CD163L1: variants seen among roughly 807,000 people sequenced by gnomAD.
CD163L1 encodes the protein CD163 molecule like 1.
CD163L1 carries 124 observed loss-of-function variants against 165.4 expected under a neutral mutation model. The ratio of observed to expected loss-of-function variants is 0.75; its 90% confidence interval spans 0.65 to 0.87. CD163L1 has a LOEUF of 0.87. Among genes scored for constraint, CD163L1 ranks in the 40% least tolerant of loss-of-function variants. The probability of loss-of-function intolerance (pLI) is 0.00; values close to 1 mark genes in which losing one functional copy is unlikely to be tolerated. For synonymous variants in CD163L1, 585 were observed against 662.2 expected, an observed-to-expected ratio of 0.88 and a Z score of 1.79; for missense variants, 1,525 against 1,799.9, an observed-to-expected ratio of 0.85 and a Z score of 2.76.
At chr12:7,323,413 T>A in the CD163L1 span, 1 of 1,605,666 alleles carries the variant, frequency 6.2e-7, no homozygotes, top group Non-Finnish European at 8.5e-7. Context: ...CTTTCATTTT[T>A]GTGAAAAGAA....
At chr12:7,434,985 A>G (rs1948696407) in intron 2 of CD163L1, among the ~76,000 whole-genome samples, 1 of 152,032 alleles carries the variant, frequency 6.6e-6, no homozygotes. Context: ...TTTCTATATG[A>G]ACATTTTTCT....
chr12:7,421,340 T>C (rs1365242977), intron 4 of CD163L1, among the ~76,000 whole-genome samples: 1 of 111,006 alleles, frequency 9.0e-6, no homozygotes, highest in East Asian at 2.8e-4. Context: ...ATATATATCT[T>C]CCAAATGTAT....
At position 7,433,615 on chromosome 12, in the gene CD163L1, C is replaced by A; in HGVS notation, c.204G>T (p.Gln68His). The change falls in exon 3 of 20, where the codon CAG becomes CAT. Residue 68 changes from glutamine to histidine, a missense_variant. Gln to His is a conservative substitution (Grantham distance 24). Transcript: ENST00000313599. ...ACCCATCATCACACACAGTCCCCCA[C>A]TGTCCCTGGAATTTCACCTCCACTG... ...SGTVEVKFQGQWGTVCDDGWN... is the reference protein window; with the variant it reads ...SGTVEVKFQGHWGTVCDDGWN... 1 of 1,614,200 alleles carries A rather than the reference C, an allele frequency of 6.2e-7. No homozygotes were observed. The highest frequency in any genetic ancestry group is 8.5e-7 in the Non-Finnish European group (1 of 1,180,016).
chr12:7,421,097 GTA>G (rs1423359223), intron 4 of CD163L1, among the ~76,000 whole-genome samples: 1 of 103,000 alleles, frequency 9.7e-6, no homozygotes, highest in South Asian at 3.5e-4. Context: ...GTATATATAT[GTA>G]TATATACATT....
At chr12:7,440,838 G>A (rs1310130173) in intron 2 of CD163L1, among the ~76,000 whole-genome samples, 1 of 152,018 alleles carries the variant, frequency 6.6e-6, no homozygotes, top group African/African-American at 2.4e-5. Flanking sequence ...TGTTGGCCAG[G>A]CTGGTCTCGA....
the CD163L1 span, among the ~76,000 whole-genome samples, chr12:7,335,067 C>G: frequency 1.3e-5 from 2 of 152,044 alleles, no homozygotes; most frequent in African/African-American, 2.4e-5. Context: ...CCATACTGCC[C>G]AAGGTAATTT....
intron 18 of CD163L1, among the ~76,000 whole-genome samples, chr12:7,366,853 C>T (rs755785780): frequency 2.0e-5 from 3 of 152,080 alleles, no homozygotes; most frequent in Admixed American, 2.0e-4. Flanking sequence ...AGATAAGATT[C>T]AAGGAACTTA....
In CD163L1 at chr12:7,420,239, G is replaced by A. The variant is rs1224287536; in HGVS notation, c.766+12177C>T. On this transcript the variant is annotated intron_variant, in intron 4 of 19. Coordinates refer to ENST00000313599, the MANE Select transcript of CD163L1 (RefSeq NM_174941.6). Reference sequence around the variant, plus strand: ...GATCAAAGACTTAAATCTAAGACCCGAAACCGTAAAAATTCTAAAAGATAA... The same window carrying A: ...GATCAAAGACTTAAATCTAAGACCCAAAACCGTAAAAATTCTAAAAGATAA... 2.6e-5 allele frequency among the ~76,000 whole-genome samples: 4 copies of A among 151,990 alleles called. No individual in the cohort carries two copies. The South Asian group carries it at 6.2e-4, about 24-fold the overall frequency.
intron 8 of CD163L1, 95 bp downstream of exon 8, chr12:7,396,000 G>T: frequency 1.1e-6 from 1 of 928,314 alleles, no homozygotes; most frequent in Non-Finnish European, 1.6e-6. Flanking sequence ...TGAGCAATGA[G>T]CACTCGGTCA....
intron 2 of CD163L1, among the ~76,000 whole-genome samples, chr12:7,440,170 T>A (rs748091458): frequency 6.6e-6 from 1 of 152,226 alleles, no homozygotes; most frequent in South Asian, 2.1e-4. Context: ...TGCTCTTGGC[T>A]CCGGGTAGCC....
intron 8 of CD163L1, among the ~76,000 whole-genome samples, chr12:7,389,619 T>A (rs1262042325): frequency 6.6e-6 from 1 of 152,030 alleles, no homozygotes; most frequent in Non-Finnish European, 1.5e-5. Context: ...GTGACTATAG[T>A]CAATAATAAC....
intron 4 of CD163L1, among the ~76,000 whole-genome samples, chr12:7,423,851 C>CA (rs1353128667): frequency 5.3e-5 from 8 of 151,786 alleles, no homozygotes; most frequent in Non-Finnish European, 7.4e-5. Flanking sequence ...CTTACCAACC[C>CA]AAAAAAGCCC....
At chr12:7,358,061 A>C (rs959831335) in intron 18 of CD163L1, among the ~76,000 whole-genome samples, 3 of 152,142 alleles carry the variant, frequency 2.0e-5, no homozygotes, top group African/African-American at 7.2e-5. Context: ...ATAAACTGAA[A>C]ATCAACAACT....
intron 4 of CD163L1, among the ~76,000 whole-genome samples, chr12:7,413,698 G>A (rs1163622243): frequency 1.3e-5 from 2 of 152,212 alleles, no homozygotes. Flanking sequence ...CTCAGACGGT[G>A]TGTGTATCTT....
At chr12:7,321,443 A>C in the CD163L1 span, among the ~76,000 whole-genome samples, 1 of 152,208 alleles carries the variant, frequency 6.6e-6, no homozygotes, top group African/African-American at 2.4e-5. Flanking sequence ...CTCTTTTGCC[A>C]CCAAAGTGTG....
intron 4 of CD163L1, among the ~76,000 whole-genome samples, chr12:7,426,975 T>A (rs970002043): frequency 6.6e-6 from 1 of 152,126 alleles, no homozygotes; most frequent in East Asian, 1.9e-4. Context: ...CATTATATAA[T>A]GATAAAGGGG....
intron 1 of CD163L1, among the ~76,000 whole-genome samples, chr12:7,442,479 ACAGT>A (rs1242984118): frequency 4.6e-5 from 7 of 152,042 alleles, no homozygotes; most frequent in Admixed American, 3.9e-4. Flanking sequence ...GAGTTTGGCA[ACAGT>A]CAGTAATAAC....
intron 14 of CD163L1, among the ~76,000 whole-genome samples, chr12:7,370,712 T>C (rs2136415919): frequency 6.6e-6 from 1 of 152,332 alleles, no homozygotes; most frequent in East Asian, 1.9e-4. Context: ...CCGTGTTAAC[T>C]CTTTTCTCTC....
the CD163L1 span, chr12:7,328,446 G>T: frequency 5.1e-6 from 6 of 1,167,658 alleles, no homozygotes; most frequent in African/African-American, 6.4e-5. Flanking sequence ...ATAATTCAGC[G>T]ACTACTCTCT....
Sources: gnomAD v4.1 joint callset for allele counts (sites outside exome capture counted in the v4.1 genomes callset) on GRCh38, gnomAD v4.1.1 for gene constraint, MANE v1.5 for transcripts, NCBI Gene and HGNC (gene_info 2026-07-23, HGNC 2026-07-21) for gene names.